The following DLGAP1 variants were observed in gnomAD, a reference collection of about 807,000 sequenced individuals.
DLGAP1 encodes the protein DLG associated protein 1.
A neutral mutation model predicts 90.8 loss-of-function variants in DLGAP1; 11 were observed. The observed-to-expected ratio is 0.12, with a 90% CI of 0.08 to 0.20. DLGAP1 has a LOEUF of 0.20. Among genes scored for constraint, DLGAP1 ranks in the 10% least tolerant of loss-of-function variants. DLGAP1 has a pLI of 1.00. For missense variants in DLGAP1, 1,050 were observed against 1,333.8 expected, an observed-to-expected ratio of 0.79 and a Z score of 3.31; for synonymous variants, 558 against 540.7, an observed-to-expected ratio of 1.03 and a Z score of -0.44.
chr18:3,874,363 C>T lies in DLGAP1; in HGVS notation c.957+4749G>A, dbSNP rs16945590. 2,824 of 1,491,002 alleles carry T rather than the reference C, an allele frequency of 1.9e-3. 29 individuals are homozygous for T. In the African/African-American group the frequency reaches 0.026, roughly 14 times the overall value. The allele number at this position is 1,491,002 out of a possible 1,614,324, so 92.4% of individuals were successfully genotyped here. On this transcript the variant is annotated intron_variant, in intron 4 of 12. Transcript: ENST00000315677. ...TTTTGTTTCCCTTTTCCTGTTTCTACGGCTGAATGAATGCAAAATACACTG... is the reference window on the plus strand; with the variant it reads ...TTTTGTTTCCCTTTTCCTGTTTCTATGGCTGAATGAATGCAAAATACACTG...
At chr18:3,790,468 T>C (rs1310103278) in intron 5 of DLGAP1, among the ~76,000 whole-genome samples, 1 of 151,736 alleles carries the variant, frequency 6.6e-6, no homozygotes, top group Non-Finnish European at 1.5e-5. Flanking sequence ...GGGGTCTTGC[T>C]ATGTTGCCCA....
intron 7 of DLGAP1, among the ~76,000 whole-genome samples, chr18:3,650,110 C>T (rs973364116): frequency 6.6e-5 from 10 of 152,272 alleles, no homozygotes; most frequent in Admixed American, 5.2e-4. Flanking sequence ...GTTGCACAAT[C>T]TCGGCTCACC....
At chr18:4,144,970 C>A (rs570013260) in intron 2 of DLGAP1, among the ~76,000 whole-genome samples, 2 of 152,096 alleles carry the variant, frequency 1.3e-5, no homozygotes, top group African/African-American at 4.8e-5. Flanking sequence ...TCTTATTTTA[C>A]GAAGAAAGTA....
At chr18:3,719,042 T>C (rs1013355962) in intron 7 of DLGAP1, among the ~76,000 whole-genome samples, 1 of 152,104 alleles carries the variant, frequency 6.6e-6, no homozygotes, top group Non-Finnish European at 1.5e-5. Flanking sequence ...CTAAATTATA[T>C]TTGACATTTG....
intron 4 of DLGAP1, among the ~76,000 whole-genome samples, chr18:3,875,497 A>G (rs1237976975): frequency 6.6e-6 from 1 of 152,180 alleles, no homozygotes; most frequent in Non-Finnish European, 1.5e-5. Context: ...TTGTATTTGG[A>G]GGAGGTAGAG....
chr18:4,039,456 C>T (rs1023199256), intron 2 of DLGAP1, among the ~76,000 whole-genome samples: 20 of 152,094 alleles, frequency 1.3e-4, no homozygotes, highest in Admixed American at 3.3e-4. Flanking sequence ...TTTCTCTTTC[C>T]TAAGAGAAAA....
At chr18:3,588,807 A>C (rs967788879) in intron 7 of DLGAP1, among the ~76,000 whole-genome samples, 1 of 151,640 alleles carries the variant, frequency 6.6e-6, no homozygotes, top group African/African-American at 2.4e-5. Flanking sequence ...AAAAGAAAGA[A>C]AGACATTATA....
chr18:4,378,806 T>C lies in DLGAP1; in HGVS notation c.-267+76200A>G, dbSNP rs549816785. Among the ~76,000 whole-genome samples the C allele has an allele frequency of 6.6e-6, 1 of 152,260 alleles. No individual in the cohort carries two copies. Among genetic ancestry groups the C allele is most frequent in the African/African-American group, 2.4e-5 (1 of 41,578 alleles). ...ACAGCTTGGTTGTGTCACAGTTCCA[T>C]AAACACCATTCCATGAACCTCATTC... On this transcript the variant is annotated intron_variant, in intron 1 of 12. Transcript: ENST00000315677. The surrounding 1 kb of genome is among the most constrained non-coding windows in gnomAD (Gnocchi z 4.5).
At chr18:4,429,402 C>T (rs1052996633) in intron 1 of DLGAP1, among the ~76,000 whole-genome samples, 7 of 152,156 alleles carry the variant, frequency 4.6e-5, no homozygotes, top group South Asian at 2.1e-4. Flanking sequence ...ATGTTTTTCT[C>T]ATTCATTTTT....
chr18:4,170,717 T>G (rs2077008916), intron 1 of DLGAP1, among the ~76,000 whole-genome samples: 1 of 152,214 alleles, frequency 6.6e-6, no homozygotes, highest in African/African-American at 2.4e-5. Context: ...TAATCTAATC[T>G]AATCTAATCT....
intron 7 of DLGAP1, among the ~76,000 whole-genome samples, chr18:3,601,314 G>A (rs1354277405): frequency 6.6e-6 from 1 of 151,942 alleles, no homozygotes. Context: ...TCGAACTCCT[G>A]ACCTCAAGCA....
At chr18:3,991,353 G>A (rs1445937094) in intron 3 of DLGAP1, among the ~76,000 whole-genome samples, 1 of 152,138 alleles carries the variant, frequency 6.6e-6, no homozygotes, top group African/African-American at 2.4e-5. Context: ...TTTCCGGTGG[G>A]GGGATAGAGT....
At chr18:4,314,131 T>C (rs570771375) in intron 1 of DLGAP1, among the ~76,000 whole-genome samples, 90 of 152,288 alleles carry the variant, frequency 5.9e-4, no homozygotes, top group African/African-American at 2.2e-3. Context: ...GGGACTTGCA[T>C]CTAGGAAAAA....
chr18:3,894,055 T>C (rs916159953), intron 3 of DLGAP1, among the ~76,000 whole-genome samples: 1 of 152,224 alleles, frequency 6.6e-6, no homozygotes, highest in Non-Finnish European at 1.5e-5. Flanking sequence ...TTGCTCACTC[T>C]TTAATGGGGT....
chr18:4,043,025 T>TA, intron 2 of DLGAP1, among the ~76,000 whole-genome samples: 2 of 152,356 alleles, frequency 1.3e-5, no homozygotes, highest in Non-Finnish European at 2.9e-5. Context: ...TTCCAACCAC[T>TA]AAAAAATGTT....
intron 1 of DLGAP1, among the ~76,000 whole-genome samples, chr18:4,260,766 G>A (rs1032164753): frequency 3.3e-5 from 5 of 152,256 alleles, no homozygotes; most frequent in South Asian, 2.1e-4. Context: ...TTATACTAGA[G>A]ACAATATCTG....
At chr18:4,384,019 A>C (rs186790576) in intron 1 of DLGAP1, among the ~76,000 whole-genome samples, 104 of 152,324 alleles carry the variant, frequency 6.8e-4, no homozygotes, top group African/African-American at 2.4e-3. Flanking sequence ...AAAATGGTAA[A>C]TTGAGCCATG....
intron 7 of DLGAP1, among the ~76,000 whole-genome samples, chr18:3,663,817 G>A (rs2059773229): frequency 6.6e-6 from 1 of 152,220 alleles, no homozygotes; most frequent in Non-Finnish European, 1.5e-5. Context: ...GCCATGAGGT[G>A]CCCAGAGATT....
rs74884062 is a variant in DLGAP1 at position 3,978,648 on chromosome 18, G to A, written c.-73+26468C>T. Reference sequence around the variant, plus strand: ...CAGGGACATGGCTGGTTCTGCATAAGAATATGTAGCTGTCTGTCAAATGGG... The same window carrying A: ...CAGGGACATGGCTGGTTCTGCATAAAAATATGTAGCTGTCTGTCAAATGGG... On this transcript the variant is annotated intron_variant, in intron 3 of 12. Transcript: ENST00000315677. 3.7e-3 allele frequency: 632 copies of A among 171,924 alleles called. 8 individuals carry two copies. Among genetic ancestry groups the A allele is most frequent in the African/African-American group, 0.014 (611 of 42,552 alleles). The allele number at this position is 171,924 out of a possible 1,614,324, so 10.6% of individuals were successfully genotyped here. A position where few individuals can be genotyped will look rare whatever the true frequency, so the allele number is the denominator to read the frequency against.
Sources: gnomAD v4.1 joint callset for allele counts (sites outside exome capture counted in the v4.1 genomes callset) on GRCh38, gnomAD v4.1.1 for gene constraint, Gnocchi (gnomAD v3.1) non-coding constraint, MANE v1.5 for transcripts, NCBI Gene and HGNC (gene_info 2026-07-23, HGNC 2026-07-21) for gene names.